Variants in MAGI1 observed in about 807,000 individuals in gnomAD.
MAGI1 encodes membrane-associated guanylate kinase, WW and PDZ domain-containing protein 1.
A neutral mutation model predicts 139.9 loss-of-function variants in MAGI1; 58 were observed. The ratio of observed to expected loss-of-function variants is 0.41; its 90% CI spans 0.34 to 0.52. The LOEUF (loss-of-function observed/expected upper bound fraction) is 0.52. Among genes scored for constraint, MAGI1 ranks in the 20% least tolerant of loss-of-function variants. MAGI1 has a pLI of 0.12. For synonymous variants in MAGI1, 812 were observed against 737.9 expected, an observed-to-expected ratio of 1.10 and a Z score of -1.63; for missense variants, 1,874 against 1,901.6, an observed-to-expected ratio of 0.99 and a Z score of 0.27.
At chr3:65,865,427 C>G (rs556474504) in intron 1 of MAGI1, among the ~76,000 whole-genome samples, 6 of 152,084 alleles carry the variant, frequency 3.9e-5, no homozygotes, top group Non-Finnish European at 5.9e-5. Context: ...GAGACATCAT[C>G]TCTACAAACA....
intron 1 of MAGI1, among the ~76,000 whole-genome samples, chr3:65,965,715 G>C (rs1161534227): frequency 6.6e-6 from 1 of 151,754 alleles, no homozygotes; most frequent in African/African-American, 2.4e-5. Flanking sequence ...GTCTTACTCG[G>C]TCGCCCAGCC....
chr3:65,515,123 C>G (rs1185379571), intron 2 of MAGI1, among the ~76,000 whole-genome samples: 1 of 120,914 alleles, frequency 8.3e-6, no homozygotes, highest in Non-Finnish European at 1.6e-5. Flanking sequence ...ATCACATGGA[C>G]ACAGGAAGGG....
At chr3:65,888,995 T>C in intron 1 of MAGI1, among the ~76,000 whole-genome samples, 1 of 152,332 alleles carries the variant, frequency 6.6e-6, no homozygotes, top group Non-Finnish European at 1.5e-5. Flanking sequence ...ATGTAACAAA[T>C]ATAATATTAC....
chr3:65,568,386 T>C (rs538964149), intron 2 of MAGI1, among the ~76,000 whole-genome samples: 1 of 152,282 alleles, frequency 6.6e-6, no homozygotes, highest in South Asian at 2.1e-4. Flanking sequence ...GGTGATTCCT[T>C]GTTATGGTTG....
At chr3:65,831,906 A>T (rs2042550619) in intron 1 of MAGI1, among the ~76,000 whole-genome samples, 1 of 152,236 alleles carries the variant, frequency 6.6e-6, no homozygotes. Context: ...CCAAAGTTGC[A>T]ATTCACATAC....
chr3:65,759,065 C>CAAAAAAAAAAAAAAAAAAAAAAAA (rs200497203), intron 1 of MAGI1, among the ~76,000 whole-genome samples: 2 of 73,084 alleles, frequency 2.7e-5, no homozygotes, highest in African/African-American at 1.1e-4. Flanking sequence ...AGGCCCAGTG[C>CAAAAAAAAAAAAAAAAAAAAAAAA]AAAAAAAAAA....
chr3:65,977,925 T>G (rs898336788), intron 1 of MAGI1, among the ~76,000 whole-genome samples: 1 of 152,168 alleles, frequency 6.6e-6, no homozygotes, highest in Non-Finnish European at 1.5e-5. Flanking sequence ...GACCAACTCC[T>G]ACTCAAAATC....
intron 2 of MAGI1, among the ~76,000 whole-genome samples, chr3:65,546,058 C>T (rs552151446): frequency 2.0e-5 from 3 of 152,062 alleles, no homozygotes; most frequent in Admixed American, 6.6e-5. Context: ...CCAACCCTAG[C>T]CTTCCAGTCC....
At chr3:65,845,678 C>T (rs2058968225) in intron 1 of MAGI1, among the ~76,000 whole-genome samples, 1 of 152,198 alleles carries the variant, frequency 6.6e-6, no homozygotes, top group African/African-American at 2.4e-5. Context: ...TTTGCACTGC[C>T]AGACTGAAGA....
At chr3:65,575,156 A>G (rs1175301213) in intron 2 of MAGI1, among the ~76,000 whole-genome samples, 11 of 152,086 alleles carry the variant, frequency 7.2e-5, no homozygotes, top group Non-Finnish European at 1.5e-4. Flanking sequence ...TGTACAAATC[A>G]CATATCTGAA....
At chr3:65,516,309 A>C (rs1035288393) in intron 2 of MAGI1, among the ~76,000 whole-genome samples, 1 of 152,010 alleles carries the variant, frequency 6.6e-6, no homozygotes, top group Non-Finnish European at 1.5e-5. Context: ...CCTCCCAAGT[A>C]GCTGGGACTA....
intron 2 of MAGI1, among the ~76,000 whole-genome samples, chr3:65,560,388 G>A (rs2080290941): frequency 6.6e-6 from 1 of 152,118 alleles, no homozygotes; most frequent in Non-Finnish European, 1.5e-5. Context: ...ATGATGCATT[G>A]CATTTCTGTG....
chr3:65,429,694 C>T lies in MAGI1; in HGVS notation c.1993G>A (p.Gly665Ser), dbSNP rs1467313827. The T allele has an allele frequency of 1.9e-6, 3 of 1,613,896 alleles. No homozygotes were observed. The highest frequency in any genetic ancestry group is 2.5e-6 in the Non-Finnish European group (3 of 1,179,930). Residue 665 changes from glycine (G) to serine (S), a missense_variant, in exon 12 of 23, where the codon GGC (glycine) becomes AGC (serine). Around this residue, in one of 5 missense-constraint regions of MAGI1, gnomAD observed 482 missense variants for 509.6 expected, o/e 0.95. Coordinates refer to ENST00000402939, the MANE Select transcript of MAGI1 (RefSeq NM_001033057.2). ...FTIADSPGGG[G>S]QRVKQIVDSP... is the part of the protein sequence containing the mutation. ...TCAACAATCTGTTTCACTCTTTGGC[C>T]ACCCCCACCAGGACTGTCTGCGATA...
At chr3:65,886,808 G>GT (rs1467574502) in intron 1 of MAGI1, among the ~76,000 whole-genome samples, 1 of 152,180 alleles carries the variant, frequency 6.6e-6, no homozygotes, top group Admixed American at 6.5e-5. Context: ...GTGATTTGAG[G>GT]TAACTGCTAA....
intron 1 of MAGI1, among the ~76,000 whole-genome samples, chr3:65,833,091 T>C (rs2042612306): frequency 6.6e-6 from 1 of 150,800 alleles, no homozygotes; most frequent in Non-Finnish European, 1.5e-5. Context: ...TCAGTAATAG[T>C]GGGCTAGGAC....
chr3:65,601,780 T>C (rs1307016394), intron 2 of MAGI1, among the ~76,000 whole-genome samples: 1 of 151,758 alleles, frequency 6.6e-6, no homozygotes, highest in African/African-American at 2.4e-5. Context: ...ATTTAAAACT[T>C]TTGTGCTGAA....
chr3:65,537,728 G>A (rs796617613), intron 2 of MAGI1, among the ~76,000 whole-genome samples: 19 of 152,212 alleles, frequency 1.2e-4, no homozygotes, highest in African/African-American at 4.6e-4. Context: ...GAATGCAAAG[G>A]AAACAATTGT....
At chr3:65,999,492 A>G (rs1205038113) in intron 1 of MAGI1, among the ~76,000 whole-genome samples, 2 of 152,170 alleles carry the variant, frequency 1.3e-5, no homozygotes, top group African/African-American at 4.8e-5. Context: ...GGGGAAAAAA[A>G]TGGGAAAAGC....
At chr3:65,524,106 T>C (rs769566400) in intron 2 of MAGI1, among the ~76,000 whole-genome samples, 12 of 151,706 alleles carry the variant, frequency 7.9e-5, no homozygotes, top group Non-Finnish European at 1.2e-4. Flanking sequence ...GGAAGAAAGG[T>C]AGGAAGGAAG....
Sources: gnomAD v4.1 joint callset for allele counts (sites outside exome capture counted in the v4.1 genomes callset) on GRCh38, gnomAD v4.1.1 for gene constraint, gnomAD v4.1.1 regional missense constraint, MANE v1.5 for transcripts, NCBI Gene and HGNC (gene_info 2026-07-23, HGNC 2026-07-21) for gene names.